EDA: variants seen among roughly 807,000 people sequenced by gnomAD.
The protein encoded by EDA is ectodysplasin A, also known as ectodysplasin-A.
EDA carries 2 observed loss-of-function variants against 23.6 expected under a neutral mutation model. That is an observed-to-expected ratio of 0.08 (90% CI 0.03 to 0.27). The LOEUF is 0.27. EDA is among the 10% of genes least tolerant of loss of function. EDA has a pLI of 1.00. For synonymous variants in EDA, 131 were observed against 132.0 expected (o/e 0.99, Z 0.05); for missense variants, 229 against 324.2 (o/e 0.71, Z 2.26).
intron 1 of EDA, among the ~76,000 whole-genome samples, chrX:69,713,026 A>C (rs1016455680): frequency 1.1e-5 from 1 of 92,985 alleles, no homozygotes; most frequent in Non-Finnish European, 2.1e-5. Context: ...GAACACATGG[A>C]CACAGGAAGG....
Position 69,731,747 on chromosome X carries a change from A to G in EDA, c.396+115043A>G, listed in dbSNP as rs182593330. On this transcript the variant is annotated intron_variant, in intron 1 of 7. Transcript: ENST00000374552. ...GTGAGCCACCTTTATTCTCTTTTCT[A>G]ACATAAGCATTTAATACTATAAATG... 1.5e-4 allele frequency among the ~76,000 whole-genome samples: 17 copies of G among 111,913 alleles called. No homozygotes were observed. The East Asian group carries it at 3.9e-3, about 26-fold the overall frequency.
chrX:69,944,363 G>A (rs2018805132), intron 1 of EDA, among the ~76,000 whole-genome samples: 2 of 112,051 alleles, frequency 1.8e-5, no homozygotes, highest in Admixed American at 1.9e-4. Flanking sequence ...TTTTTCAGGG[G>A]CCAAAGGCTC....
At chrX:69,952,315 G>A (rs978158151) in intron 1 of EDA, among the ~76,000 whole-genome samples, 1 of 112,052 alleles carries the variant, frequency 8.9e-6, no homozygotes, top group African/African-American at 3.2e-5. Context: ...TCCGTGGCTG[G>A]GGAAGCCTCA....
intron 1 of EDA, among the ~76,000 whole-genome samples, chrX:69,624,375 C>A (rs1400217222): frequency 9.0e-6 from 1 of 111,707 alleles, no homozygotes; most frequent in Non-Finnish European, 1.9e-5. Flanking sequence ...CTCATTATTT[C>A]AATCCTTGAG....
chrX:69,820,150 T>A (rs1602442038), intron 1 of EDA, among the ~76,000 whole-genome samples: 1 of 111,493 alleles, frequency 9.0e-6, no homozygotes, highest in East Asian at 2.8e-4. Flanking sequence ...GGAAAATGAC[T>A]CCCTATTTAG....
intron 1 of EDA, among the ~76,000 whole-genome samples, chrX:69,646,723 T>C (rs1476197461): frequency 8.9e-6 from 1 of 112,036 alleles, no homozygotes; most frequent in Non-Finnish European, 1.9e-5. Flanking sequence ...TATATGTGAG[T>C]TTGATCCTGT....
chrX:69,792,783 T>A (rs1281403622), intron 1 of EDA, among the ~76,000 whole-genome samples: 1 of 112,433 alleles, frequency 8.9e-6, no homozygotes, highest in Non-Finnish European at 1.9e-5. Flanking sequence ...TTGAGAATTG[T>A]CTATTCATGC....
intron 1 of EDA, among the ~76,000 whole-genome samples, chrX:69,925,916 C>T (rs1158737973): frequency 9.1e-6 from 1 of 109,456 alleles, no homozygotes; most frequent in African/African-American, 3.3e-5. Flanking sequence ...GGAATTTATC[C>T]ATTTCTTCTA....
At chrX:69,683,271 A>T (rs1352532345) in intron 1 of EDA, among the ~76,000 whole-genome samples, 1 of 111,165 alleles carries the variant, frequency 9.0e-6, no homozygotes, top group Non-Finnish European at 1.9e-5. Flanking sequence ...AGGGATTTTT[A>T]TCTGCTTTGT....
intron 1 of EDA, among the ~76,000 whole-genome samples, chrX:69,788,364 C>T (rs184866877): frequency 1.0e-3 from 113 of 112,141 alleles, no homozygotes; most frequent in Admixed American, 8.0e-3. Flanking sequence ...GGAGGAGAGG[C>T]GCTGTGCTTT....
At chrX:69,906,690 G>A (rs1014511493) in intron 1 of EDA, among the ~76,000 whole-genome samples, 1 of 111,322 alleles carries the variant, frequency 9.0e-6, no homozygotes, top group Non-Finnish European at 1.9e-5. Flanking sequence ...AATCATCAGC[G>A]CAAATTGACA....
chrX:69,726,954 A>C (rs993547326), intron 1 of EDA, among the ~76,000 whole-genome samples: 1 of 112,057 alleles, frequency 8.9e-6, no homozygotes, highest in African/African-American at 3.2e-5. Context: ...CTCAGTGGAG[A>C]GTCAGAATGG....
intron 1 of EDA, among the ~76,000 whole-genome samples, chrX:69,792,194 A>T (rs1216977881): frequency 4.5e-5 from 5 of 111,598 alleles, no homozygotes; most frequent in Non-Finnish European, 7.5e-5. Context: ...GCTCCCACTT[A>T]TAAGTGAGAA....
intron 1 of EDA, among the ~76,000 whole-genome samples, chrX:69,652,132 C>A (rs1305978725): frequency 9.0e-6 from 1 of 111,173 alleles, no homozygotes; most frequent in Non-Finnish European, 1.9e-5. Flanking sequence ...AGTTTAAGTA[C>A]AACCTGTCAC....
intron 1 of EDA, among the ~76,000 whole-genome samples, chrX:69,712,308 T>C (rs940975652): frequency 8.9e-6 from 1 of 111,745 alleles, no homozygotes; most frequent in Non-Finnish European, 1.9e-5. Context: ...TTAATTTTGG[T>C]TTCCACATGT....
In EDA at chrX:70,027,837, CA is replaced by C; in HGVS notation, c.527-19del. ...GACTCCGTCTCAAAAAAAAAAGTAA[CA>C]CTGAATCCTATTTTTCAGGAAAGAA... On this transcript the variant is annotated intron_variant, in intron 3 of 7. Transcript: ENST00000374552. 1.4e-6 allele frequency: 1 copy of C among 709,528 alleles called. No individual in the cohort carries two copies. Among genetic ancestry groups the C allele is most frequent in the Non-Finnish European group, 2.2e-6 (1 of 456,405 alleles). The allele number at this position is 709,528 out of a possible 1,213,427, so 58.5% of individuals were successfully genotyped here.
chrX:69,795,651 G>A (rs2147478661), intron 1 of EDA, among the ~76,000 whole-genome samples: 1 of 113,135 alleles, frequency 8.8e-6, no homozygotes, highest in South Asian at 3.6e-4. Flanking sequence ...TCAGGGCTAA[G>A]AGGCAAGGCC....
At chrX:69,847,075 C>T (rs1271141361) in intron 1 of EDA, among the ~76,000 whole-genome samples, 3 of 111,581 alleles carry the variant, frequency 2.7e-5, no homozygotes, top group Non-Finnish European at 5.6e-5. Context: ...TTGTGGAATA[C>T]GGGTTGTGTA....
At chrX:69,779,925 C>G (rs1469291921) in intron 1 of EDA, among the ~76,000 whole-genome samples, 1 of 111,164 alleles carries the variant, frequency 9.0e-6, no homozygotes, top group African/African-American at 3.3e-5. Context: ...CTTATATGGC[C>G]ATGATACAAC....
Sources: allele counts gnomAD v4.1 joint callset (sites outside exome capture counted in the v4.1 genomes callset), GRCh38; gene constraint gnomAD v4.1.1; transcripts MANE v1.5; gene names NCBI Gene and HGNC (gene_info 2026-07-23, HGNC 2026-07-21).